FAAH2: variants seen among roughly 807,000 people sequenced by gnomAD.
FAAH2 encodes fatty-acid amide hydrolase 2.
In FAAH2, 60 loss-of-function variants were observed where a neutral mutation model predicts 36.9. That is an observed-to-expected ratio of 1.63 (90% CI 1.32 to 2.02). FAAH2 has a LOEUF of 2.02. Among genes scored for constraint, FAAH2 ranks in the 30% most tolerant of loss-of-function variants. The pLI is 0.00. For missense variants in FAAH2, 689 were observed against 397.5 expected (o/e 1.73, Z -6.23); for synonymous variants, 214 against 143.8 (o/e 1.49, Z -3.49).
At chrX:57,409,224 T>C (rs752156643) in intron 7 of FAAH2, among the ~76,000 whole-genome samples, 193 of 112,077 alleles carry the variant, frequency 1.7e-3, no homozygotes, top group African/African-American at 5.8e-3. Flanking sequence ...CATTGTTGTA[T>C]TAAAACATCT....
At chrX:57,423,144 A>C (rs899758753) in intron 7 of FAAH2, among the ~76,000 whole-genome samples, 9 of 112,007 alleles carry the variant, frequency 8.0e-5, no homozygotes, top group Non-Finnish European at 1.7e-4. Context: ...CTTTGTGTGC[A>C]CTTCTATACT....
At chrX:57,384,632 C>G (rs1168445878) in intron 7 of FAAH2, among the ~76,000 whole-genome samples, 1 of 110,837 alleles carries the variant, frequency 9.0e-6, no homozygotes, top group African/African-American at 3.3e-5. Flanking sequence ...GAGATACCAT[C>G]TCACACCAGT....
intron 5 of FAAH2, among the ~76,000 whole-genome samples, chrX:57,352,110 GTATA>G (rs2054035218): frequency 2.5e-5 from 1 of 39,947 alleles, no homozygotes; most frequent in East Asian, 8.6e-4. Flanking sequence ...ATATATATGT[GTATA>G]TATATGCACA....
At position 57,413,819 on chromosome X, in the gene FAAH2, A is replaced by T. The variant is rs576984038; in HGVS notation, c.997-18099A>T. Among the ~76,000 whole-genome samples, 3 of 111,840 alleles carry T rather than the reference A, an allele frequency of 2.7e-5. No homozygotes were observed. In the South Asian group the frequency reaches 1.1e-3, roughly 41 times the overall value. ...TTTGGGCAGTATGGCCATTTTCATG[A>T]TATTGATTCTTTCTATCCATGAGCA... On this transcript the variant is annotated intron_variant, in intron 7 of 10. Coordinates refer to ENST00000374900, the MANE Select transcript of FAAH2 (RefSeq NM_174912.4).
chrX:57,127,936 C>T, the FAAH2 span, among the ~76,000 whole-genome samples: 1 of 111,934 alleles, frequency 8.9e-6, no homozygotes, highest in Admixed American at 9.4e-5. Flanking sequence ...TGTGCAATGA[C>T]ACATCTATAT....
chrX:57,210,855 C>A, the FAAH2 span, among the ~76,000 whole-genome samples: 1 of 112,651 alleles, frequency 8.9e-6, no homozygotes, highest in South Asian at 3.6e-4. Context: ...AAATCCCCAT[C>A]AAAGTTGGTG....
chrX:57,285,726 T>C (rs1020000939), upstream of FAAH2, among the ~76,000 whole-genome samples: 2 of 111,884 alleles, frequency 1.8e-5, no homozygotes, highest in Admixed American at 9.5e-5. Flanking sequence ...GGATGAAGCA[T>C]AGAGTTTTTC....
chrX:57,245,945 T>C, the FAAH2 span, among the ~76,000 whole-genome samples: 3 of 111,346 alleles, frequency 2.7e-5, no homozygotes, highest in Non-Finnish European at 5.7e-5. Context: ...GGAGCTGTTT[T>C]TTTTAAAGAT....
the FAAH2 span, among the ~76,000 whole-genome samples, chrX:57,139,057 A>G: frequency 1.8e-5 from 2 of 111,884 alleles, no homozygotes; most frequent in African/African-American, 6.5e-5. Flanking sequence ...GAAGCTTTTT[A>G]GCTGATGTGA....
the FAAH2 span, among the ~76,000 whole-genome samples, chrX:57,161,804 C>A: frequency 1.8e-5 from 2 of 111,746 alleles, no homozygotes; most frequent in African/African-American, 6.5e-5. Context: ...TGGGTCTTGA[C>A]TCTTTATCCA....
chrX:57,419,053 T>G (rs1292380566), intron 7 of FAAH2, among the ~76,000 whole-genome samples: 1 of 106,886 alleles, frequency 9.4e-6, no homozygotes, highest in Non-Finnish European at 1.9e-5. Context: ...GAACTCATCA[T>G]TTTTTATGGC....
chrX:57,220,218 AC>A, the FAAH2 span, among the ~76,000 whole-genome samples: 1 of 106,197 alleles, frequency 9.4e-6, no homozygotes, highest in African/African-American at 3.5e-5. Flanking sequence ...ATCTTCTTTA[AC>A]CCCCCAAGCC....
At chrX:57,401,537 C>G (rs937945716) in intron 7 of FAAH2, among the ~76,000 whole-genome samples, 1 of 111,372 alleles carries the variant, frequency 9.0e-6, no homozygotes, top group Non-Finnish European at 1.9e-5. Flanking sequence ...CTTGCACTAA[C>G]CTTCTCTGTC....
chrX:57,201,189 G>A, the FAAH2 span, among the ~76,000 whole-genome samples: 5 of 110,460 alleles, frequency 4.5e-5, no homozygotes, highest in Non-Finnish European at 9.4e-5. Flanking sequence ...TTGGGAGGCT[G>A]AGGAGTGTGG....
At chrX:57,473,365 A>G (rs761062629) in intron 10 of FAAH2, among the ~76,000 whole-genome samples, 2 of 111,478 alleles carry the variant, frequency 1.8e-5, no homozygotes, top group Non-Finnish European at 3.8e-5. Flanking sequence ...TGCTTTCTAA[A>G]TTTATTCCAC....
At chrX:57,479,014 A>G (rs995379436) in intron 10 of FAAH2, among the ~76,000 whole-genome samples, 2 of 111,562 alleles carry the variant, frequency 1.8e-5, no homozygotes, top group African/African-American at 6.5e-5. Flanking sequence ...GTTTTTCCCA[A>G]TTCTGTGAAG....
In FAAH2 at chrX:57,446,675, T is replaced by C. The variant is rs377567445; in HGVS notation, c.1117-253T>C. Among the ~76,000 whole-genome samples the C allele has an allele frequency of 6.2e-5, 7 of 112,013 alleles. No homozygotes were observed. In the East Asian group the frequency reaches 1.1e-3, roughly 18 times the overall value. ...TATTTCATGTGAATAGGCTCATACG[T>C]ATGTGATGTCTTGTTACTGGCTTCT... On this transcript the variant is annotated intron_variant, in intron 8 of 10. Transcript: ENST00000374900.
intron 7 of FAAH2, among the ~76,000 whole-genome samples, chrX:57,407,541 CT>C (rs1312541385): frequency 5.4e-5 from 6 of 112,143 alleles, no homozygotes; most frequent in African/African-American, 1.9e-4. Flanking sequence ...CAGATTTTTG[CT>C]GCCTTTCTTT....
At chrX:57,188,543 G>T in the FAAH2 span, among the ~76,000 whole-genome samples, 2 of 110,231 alleles carry the variant, frequency 1.8e-5, no homozygotes, top group Non-Finnish European at 3.8e-5. Flanking sequence ...GGTGTTTCGT[G>T]TCTCTATCTC....
Sources: allele counts gnomAD v4.1 joint callset (sites outside exome capture counted in the v4.1 genomes callset), GRCh38; gene constraint gnomAD v4.1.1; transcripts MANE v1.5; gene names NCBI Gene and HGNC (gene_info 2026-07-23, HGNC 2026-07-21).